Variants in PLEKHA8 observed in about 807,000 individuals in gnomAD.
PLEKHA8 encodes pleckstrin homology domain-containing family A member 8.
A neutral mutation model predicts 68.2 loss-of-function variants in PLEKHA8; 36 were observed. The observed-to-expected ratio is 0.53, with a 90% CI of 0.40 to 0.70. The LOEUF (loss-of-function observed/expected upper bound fraction) is 0.70. PLEKHA8 is among the 30% of genes least tolerant of loss of function. PLEKHA8 has a pLI of 0.00. For missense variants in PLEKHA8, 505 were observed against 615.4 expected (o/e 0.82, Z 1.90); for synonymous variants, 211 against 216.1 (o/e 0.98, Z 0.20).
intron 3 of PLEKHA8, among the ~76,000 whole-genome samples, chr7:30,046,710 C>T (rs1423859983): frequency 3.3e-5 from 5 of 152,080 alleles, no homozygotes; most frequent in Admixed American, 1.3e-4. Context: ...GGAGGATTAC[C>T]ATGAGAATTA....
intron 11 of PLEKHA8, 63 bp from the exon 12 acceptor site, chr7:30,062,609 C>T (rs1490598802): frequency 1.6e-6 from 2 of 1,234,406 alleles, no homozygotes; most frequent in East Asian, 2.4e-5. Flanking sequence ...TCTGCCATTT[C>T]TTTATACCCA....
At chr7:30,089,390 G>T (rs959361060), downstream of PLEKHA8, among the ~76,000 whole-genome samples, 2 of 150,852 alleles carry the variant, frequency 1.3e-5, no homozygotes, top group Non-Finnish European at 2.9e-5. Flanking sequence ...GTAACATGTG[G>T]CCCAGAGCTA....
chr7:30,039,472 G>A (rs1474580968), intron 1 of PLEKHA8, among the ~76,000 whole-genome samples: 3 of 152,166 alleles, frequency 2.0e-5, no homozygotes, highest in East Asian at 1.9e-4. Flanking sequence ...CTGAGGTCAC[G>A]CTGTTGCACT....
rs143614758 is a variant in PLEKHA8, at chr7:30,070,950, G to T, written c.1301-3121G>T. 2.9e-3 allele frequency among the ~76,000 whole-genome samples: 440 copies of T among 152,252 alleles called. 2 individuals are homozygous for T. Among genetic ancestry groups the T allele is most frequent in the Non-Finnish European group, 3.7e-3 (249 of 68,016 alleles). On this transcript the variant is annotated intron_variant, in intron 12 of 13. Coordinates refer to ENST00000449726, the MANE Select transcript of PLEKHA8 (RefSeq NM_001197026.2). ...CTTGCTACAGACTGTAAAGAAGTGTGAATTTCAACTTGTTATTTCCCTACC... is the reference window on the plus strand; with the variant it reads ...CTTGCTACAGACTGTAAAGAAGTGTTAATTTCAACTTGTTATTTCCCTACC...
At chr7:30,126,498 T>G (rs1475168695) in intron 13 of PLEKHA8, among the ~76,000 whole-genome samples, 1 of 152,238 alleles carries the variant, frequency 6.6e-6, no homozygotes, top group Non-Finnish European at 1.5e-5. Flanking sequence ...TATTGTTGAT[T>G]TTGTTTCACT....
At chr7:30,084,786 A>C (rs1427051156), downstream of PLEKHA8, 12 of 377,200 alleles carry the variant, frequency 3.2e-5, no homozygotes, top group Non-Finnish European at 4.4e-5. Context: ...TCATCCTCCT[A>C]ATAACTCCAT....
chr7:30,091,816 A>G (rs1795425204), downstream of PLEKHA8, among the ~76,000 whole-genome samples: 1 of 152,228 alleles, frequency 6.6e-6, no homozygotes, highest in East Asian at 1.9e-4. Flanking sequence ...GTGAGTTTGG[A>G]AATGAAATGT....
chr7:30,090,376 C>T (rs561254692), exon 13 of PLEKHA8: 7 of 579,274 alleles, frequency 1.2e-5, no homozygotes, highest in African/African-American at 5.6e-5. Flanking sequence ...CCAACCAAGT[C>T]GTCAAATCTA....
chr7:30,076,343 G>C (rs962392184), intron 13 of PLEKHA8, among the ~76,000 whole-genome samples: 10 of 152,146 alleles, frequency 6.6e-5, no homozygotes, highest in Admixed American at 2.0e-4. Context: ...TCTAAGTTTA[G>C]AATAAAACAG....
At chr7:30,088,358 G>A (rs1002804857), downstream of PLEKHA8, among the ~76,000 whole-genome samples, 2 of 152,108 alleles carry the variant, frequency 1.3e-5, no homozygotes, top group Admixed American at 6.5e-5. Context: ...TTAGAATCAC[G>A]GGAAGGACTC....
At position 30,080,637 on chromosome 7, in the gene PLEKHA8, C is replaced by T; in HGVS notation, c.*1850C>T. 1.0e-6 allele frequency: 1 copy of T among 985,214 alleles called. No homozygotes were observed. The highest frequency in any genetic ancestry group is 1.7e-5 in the African/African-American group (1 of 57,312). 61.0% of individuals were successfully genotyped at this position (985,214 alleles called of 1,614,324 possible). On this transcript the variant is annotated 3_prime_UTR_variant, in exon 14 of 14. Transcript: ENST00000449726. ...TGGAAAATACTTAAACTTGAAAAAT[C>T]AACATCACATGTTTTAAAGCTAGGG... is the stretch of plus-strand genomic sequence containing the variant.
At chr7:30,110,377 T>C (rs1391093146) in intron 13 of PLEKHA8, among the ~76,000 whole-genome samples, 1 of 152,266 alleles carries the variant, frequency 6.6e-6, no homozygotes, top group East Asian at 1.9e-4. Context: ...TGAATAGTAT[T>C]CCATTGTATA....
intron 1 of PLEKHA8, among the ~76,000 whole-genome samples, chr7:30,029,730 G>A (rs1790512044): frequency 6.6e-6 from 1 of 152,210 alleles, no homozygotes; most frequent in Admixed American, 6.5e-5. Flanking sequence ...GTATCCCTTA[G>A]AGTGGGTGAG....
intron 5 of PLEKHA8, among the ~76,000 whole-genome samples, chr7:30,049,671 C>G (rs1583806857): frequency 6.6e-6 from 1 of 152,146 alleles, no homozygotes; most frequent in South Asian, 2.1e-4. Context: ...TGCTTTCAGC[C>G]TGACCCTTCC....
intron 7 of PLEKHA8, 76 bp downstream of exon 7, chr7:30,052,942 A>AG: frequency 8.0e-7 from 1 of 1,252,430 alleles, no homozygotes; most frequent in Non-Finnish European, 1.1e-6. Flanking sequence ...AATATCCATG[A>AG]TAGGGATTAA....
chr7:30,129,531 T>C, downstream of PLEKHA8: 1 of 575,242 alleles, frequency 1.7e-6, no homozygotes, highest in South Asian at 2.3e-5. Flanking sequence ...CACCTTAAAA[T>C]TTTCAACATG....
At chr7:30,106,805 T>C (rs1796075342) in intron 13 of PLEKHA8, among the ~76,000 whole-genome samples, 1 of 152,208 alleles carries the variant, frequency 6.6e-6, no homozygotes, top group Non-Finnish European at 1.5e-5. Flanking sequence ...TGTGTAGGTA[T>C]TGTATTGGGC....
intron 12 of PLEKHA8, among the ~76,000 whole-genome samples, chr7:30,067,276 C>T (rs1247645041): frequency 6.6e-6 from 1 of 152,204 alleles, no homozygotes; most frequent in Non-Finnish European, 1.5e-5. Flanking sequence ...TCAAGACCAG[C>T]CTGGGCAACA....
intron 9 of PLEKHA8, among the ~76,000 whole-genome samples, chr7:30,058,846 G>C (rs1793207572): frequency 6.6e-6 from 1 of 152,150 alleles, no homozygotes; most frequent in Non-Finnish European, 1.5e-5. Flanking sequence ...AACATCGAAG[G>C]CTGGGCTCAC....
Sources: gnomAD v4.1 joint callset for allele counts (sites outside exome capture counted in the v4.1 genomes callset) on GRCh38, gnomAD v4.1.1 for gene constraint, MANE v1.5 for transcripts, NCBI Gene and HGNC (gene_info 2026-07-23, HGNC 2026-07-21) for gene names.